The following TEX9 variants were observed in gnomAD, a reference collection of about 807,000 sequenced individuals.
The protein encoded by TEX9 is testis-expressed protein 9.
Under a neutral mutation model 59.6 loss-of-function variants are expected in TEX9, and 74 were observed. The observed-to-expected ratio is 1.24, with a 90% CI of 1.03 to 1.51. The LOEUF (loss-of-function observed/expected upper bound fraction) is 1.51. Ranked by LOEUF, TEX9 falls within the 40% of genes most tolerant of loss-of-function variation. The pLI is 0.00. For synonymous variants in TEX9, 186 were observed against 152.2 expected (o/e 1.22, Z -1.64); for missense variants, 522 against 447.8 (o/e 1.17, Z -1.49).
intron 1 of TEX9, among the ~76,000 whole-genome samples, chr15:56,348,415 T>C (rs944105942): frequency 1.1e-4 from 17 of 152,074 alleles, no homozygotes; most frequent in African/African-American, 4.1e-4. Context: ...TCTATAGCAT[T>C]CTTTGTAGTA....
chr15:56,427,401 A>C (rs1365046332), intron 10 of TEX9, among the ~76,000 whole-genome samples: 2 of 152,038 alleles, frequency 1.3e-5, no homozygotes, highest in Non-Finnish European at 2.9e-5. Context: ...TTTTAAAAAC[A>C]TTTTTTAAAA....
At chr15:56,407,462 C>T (rs2049133815) in intron 9 of TEX9, among the ~76,000 whole-genome samples, 1 of 152,112 alleles carries the variant, frequency 6.6e-6, no homozygotes, top group African/African-American at 2.4e-5. Context: ...TTGTCCACTT[C>T]ATCTAAGTCA....
At chr15:56,363,635 G>A (rs1201212676), upstream of TEX9, among the ~76,000 whole-genome samples, 2 of 150,808 alleles carry the variant, frequency 1.3e-5, no homozygotes, top group African/African-American at 4.9e-5. Flanking sequence ...TTTTTAACTT[G>A]GGTTGTCTTT....
intron 3 of TEX9, among the ~76,000 whole-genome samples, chr15:56,375,754 A>G (rs1263524417): frequency 1.3e-5 from 2 of 152,140 alleles, no homozygotes; most frequent in African/African-American, 4.8e-5. Context: ...TCATGCTGCT[A>G]TAAAGACACA....
At chr15:56,407,123 G>A (rs528681206) in intron 9 of TEX9, among the ~76,000 whole-genome samples, 1 of 151,868 alleles carries the variant, frequency 6.6e-6, no homozygotes, top group Admixed American at 6.6e-5. Flanking sequence ...TATATAAATT[G>A]ACCTGTAATC....
chr15:56,457,549 G>A, the TEX9 span, among the ~76,000 whole-genome samples: 2 of 152,110 alleles, frequency 1.3e-5, no homozygotes, highest in Non-Finnish European at 2.9e-5. Context: ...GCAGCTGAGC[G>A]CTGTGGCTTA....
At chr15:56,362,660 TA>T (rs2046810719), upstream of TEX9, among the ~76,000 whole-genome samples, 1 of 152,208 alleles carries the variant, frequency 6.6e-6, no homozygotes, top group Non-Finnish European at 1.5e-5. Flanking sequence ...GATTTTAGAA[TA>T]TTTTCACTAG....
intron 1 of TEX9, among the ~76,000 whole-genome samples, chr15:56,336,936 T>A (rs950961360): frequency 6.6e-6 from 1 of 152,120 alleles, no homozygotes; most frequent in African/African-American, 2.4e-5. Flanking sequence ...TGTTTGACAC[T>A]CCCAGCAGCT....
intron 1 of TEX9, among the ~76,000 whole-genome samples, chr15:56,292,051 C>G (rs2045106890): frequency 6.6e-6 from 1 of 152,198 alleles, no homozygotes; most frequent in Admixed American, 6.5e-5. Context: ...GAAAGAAGCA[C>G]TATTCTTCAT....
intron 10 of TEX9, among the ~76,000 whole-genome samples, chr15:56,424,189 A>G (rs1348640370): frequency 1.3e-5 from 2 of 152,118 alleles, no homozygotes; most frequent in African/African-American, 2.4e-5. Flanking sequence ...AATTGTATCT[A>G]TCTTCTTGCT....
chr15:56,354,596 T>G (rs1391449492), intron 1 of TEX9, among the ~76,000 whole-genome samples: 1 of 152,230 alleles, frequency 6.6e-6, no homozygotes, highest in Non-Finnish European at 1.5e-5. Context: ...TATTTAAACC[T>G]TGTTCCCTTC....
intron 10 of TEX9, among the ~76,000 whole-genome samples, chr15:56,418,825 C>T (rs1262624543): frequency 6.6e-6 from 1 of 151,896 alleles, no homozygotes; most frequent in Non-Finnish European, 1.5e-5. Flanking sequence ...GTATATGGTG[C>T]TTTGAGCAAG....
At chr15:56,362,890 A>T (rs2046816080), upstream of TEX9, among the ~76,000 whole-genome samples, 1 of 152,240 alleles carries the variant, frequency 6.6e-6, no homozygotes, top group South Asian at 2.1e-4. Context: ...AGCATAATAT[A>T]TTCAAGGTTC....
intron 9 of TEX9, chr15:56,395,088 A>G: frequency 4.1e-6 from 2 of 491,716 alleles, no homozygotes; most frequent in Non-Finnish European, 7.1e-6. Flanking sequence ...CATAATCCCT[A>G]AAAGATACTT....
intron 1 of TEX9, among the ~76,000 whole-genome samples, chr15:56,326,878 G>A (rs1221202851): frequency 6.6e-6 from 1 of 152,130 alleles, no homozygotes; most frequent in East Asian, 1.9e-4. Flanking sequence ...AGTATTGGGT[G>A]GGACACTAAG....
At chr15:56,443,965 C>G in intron 12 of TEX9, 1 of 843,112 alleles carries the variant, frequency 1.2e-6, no homozygotes, top group South Asian at 2.2e-5. Flanking sequence ...TTCATTCGTG[C>G]ATGCAACAAA....
intron 1 of TEX9, among the ~76,000 whole-genome samples, chr15:56,338,600 A>C (rs925484151): frequency 2.6e-5 from 4 of 152,252 alleles, no homozygotes; most frequent in African/African-American, 9.6e-5. Flanking sequence ...GGGATCTTTC[A>C]GCAAGCCCCA....
At chr15:56,365,552 G>A (rs1215298442) in intron 1 of TEX9, 27 bp from the exon 2 acceptor site, 2 of 1,614,212 alleles carry the variant, frequency 1.2e-6, no homozygotes, top group Non-Finnish European at 1.7e-6. Flanking sequence ...TTAACTTCGG[G>A]TCTGAAAGTC....
At chr15:56,424,794 A>G (rs2050163142) in intron 10 of TEX9, among the ~76,000 whole-genome samples, 2 of 152,324 alleles carry the variant, frequency 1.3e-5, no homozygotes, top group South Asian at 4.1e-4. Flanking sequence ...GTCAACCAAA[A>G]TTAAAATAAT....
Sources: gnomAD v4.1 joint callset for allele counts (sites outside exome capture counted in the v4.1 genomes callset) on GRCh38, gnomAD v4.1.1 for gene constraint, MANE v1.5 for transcripts, NCBI Gene and HGNC (gene_info 2026-07-23, HGNC 2026-07-21) for gene names.